The following PRB4 variants were observed in gnomAD, a reference collection of about 807,000 sequenced individuals.
The protein encoded by PRB4 is basic salivary proline-rich protein 4.
In PRB4, 14 loss-of-function variants were observed where a neutral mutation model predicts 9.1. The observed-to-expected ratio is 1.54, with a 90% CI of 1.02 to 2.41. The LOEUF (loss-of-function observed/expected upper bound fraction) is 2.41. Ranked by LOEUF, PRB4 falls within the 30% of genes most tolerant of loss-of-function variation. The pLI is 0.00. For missense variants in PRB4, 381 were observed against 299.3 expected (o/e 1.27, Z -2.02); for synonymous variants, 102 against 108.5 (o/e 0.94, Z 0.37).
intron 3 of PRB4, among the ~76,000 whole-genome samples, chr12:11,307,662 G>T (rs1862944591): frequency 6.6e-6 from 1 of 152,168 alleles, no homozygotes; most frequent in Non-Finnish European, 1.5e-5. Flanking sequence ...ATCCCATAAG[G>T]TTAACAGTGG....
Position 11,310,400 on chromosome 12 carries a change from T to A in PRB4, c.-2A>T. On this transcript the variant is annotated 5_prime_UTR_variant, in exon 1 of 4. Coordinates refer to ENST00000279575, the MANE Select transcript of PRB4 (RefSeq NM_002723.6). ...CACTGACAGCAGAATCAGCAGCATC[T>A]CGCTGGAGGCTCTGGAGTCACTCCC... 1.2e-6 allele frequency: 2 copies of A among 1,614,224 alleles called. No individual in the cohort carries two copies. The highest frequency in any genetic ancestry group is 2.2e-5 in the South Asian group (2 of 91,084).
rs541291529 is a variant in PRB4, at chr12:11,309,254, C to A, written c.100+116G>T. On this transcript the variant is annotated intron_variant, in intron 2 of 3. Coordinates refer to ENST00000279575, the MANE Select transcript of PRB4 (RefSeq NM_002723.6). ...TGAAGATTGCCTATATCATTAGGGG[C>A]AATAACATTAATCAATTCCTGAAAG... The A allele has an allele frequency of 1.5e-4, 230 of 1,545,846 alleles. 3 individuals are homozygous for A. In the South Asian group the frequency reaches 2.5e-3, roughly 16 times the overall value.
Position 11,307,099 on chromosome 12 carries a change from A to T in PRB4, c.*119T>A, listed in dbSNP as rs929347727. The T allele has an allele frequency of 1.3e-5, 2 of 154,588 alleles. No individual in the cohort carries two copies. Among genetic ancestry groups the T allele is most frequent in the African/African-American group, 2.4e-5 (1 of 41,534 alleles). The allele number at this position is 154,588 out of a possible 1,614,324, so 9.6% of individuals were successfully genotyped here. ...TCAGAAATTGCAAGCTGATTATTTT[A>T]TTGGTATATTAAAGTTAGAGCTATG... On this transcript the variant is annotated 3_prime_UTR_variant, in exon 4 of 4. Transcript: ENST00000279575.
In PRB4 at chr12:11,309,404, A is replaced by G. The variant is rs748700776; in HGVS notation, c.66T>C (p.Asp22=). 3.7e-6 allele frequency: 6 copies of G among 1,614,156 alleles called. No individual in the cohort carries two copies. Among genetic ancestry groups the G allele is most frequent in the Middle Eastern group, 3.3e-4 (2 of 6,062 alleles). The part of the protein sequence containing the change: ...ALSSAESSSE[D]VSQEESLFLI... ...GGAAGAGAGATTCTTCCTGGCTGACATCTAGAAGAGAAGCACAGGATGATG... is the reference window on the plus strand; with the variant it reads ...GGAAGAGAGATTCTTCCTGGCTGACGTCTAGAAGAGAAGCACAGGATGATG... Residue 22 remains aspartate (D), a splice_region_variant and synonymous_variant, in exon 2 of 4, where the codon GAT becomes GAC. Coordinates refer to ENST00000279575, the MANE Select transcript of PRB4 (RefSeq NM_002723.6).
chr12:11,308,804 G>T lies in PRB4; in HGVS notation c.179C>A (p.Pro60Gln). ...PPPPPGKPQGPPPQGGNQSQG... is the reference protein window; with the variant it reads ...PPPPPGKPQGQPPQGGNQSQG... ...GGACTGGTTTCCTCCTTGTGGGGGT[G>T]GTCCTTGTGGCTTTCCTGGAGGAGG... is the stretch of plus-strand genomic sequence containing the variant. Residue 60 changes from proline to glutamine, a missense_variant, in exon 3 of 4, where the codon CCA (proline) becomes CAA (glutamine). Transcript: ENST00000279575. 1.3e-6 allele frequency: 2 copies of T among 1,590,190 alleles called. No individual in the cohort carries two copies. The highest frequency in any genetic ancestry group is 1.4e-5 in the African/African-American group (1 of 72,896).
At chr12:11,307,460 G>T (rs1862939426) in intron 3 of PRB4, among the ~76,000 whole-genome samples, 1 of 152,174 alleles carries the variant, frequency 6.6e-6, no homozygotes, top group South Asian at 2.1e-4. Flanking sequence ...ACACAATAGA[G>T]TAGTATAAAA....
chr12:11,307,307 G>A (rs762020115), intron 3 of PRB4, 108 bp from the exon 4 acceptor site: 10 of 152,706 alleles, frequency 6.5e-5, no homozygotes, highest in Admixed American at 3.9e-4. Context: ...CCATCCTTAG[G>A]TTGCTGTGAC....
intron 3 of PRB4, 142 bp from the exon 4 acceptor site, chr12:11,307,341 G>A (rs1862937101): frequency 6.6e-6 from 1 of 152,508 alleles, no homozygotes; most frequent in Non-Finnish European, 1.5e-5. Flanking sequence ...ATTTGTTCAG[G>A]GATATATTTA....
intron 1 of PRB4, 150 bp downstream of exon 1, chr12:11,310,185 G>T (rs775668715): frequency 7.4e-5 from 70 of 944,020 alleles, no homozygotes; most frequent in East Asian, 6.2e-4. Context: ...AGTCCTTATT[G>T]TGGAATGAGG....
intron 3 of PRB4, 129 bp from the exon 4 acceptor site, chr12:11,307,328 T>G (rs1349873909): frequency 6.6e-6 from 1 of 152,668 alleles, no homozygotes; most frequent in African/African-American, 2.4e-5. Context: ...TCATTGCTGT[T>G]GAATTTGTTC....
chr12:11,309,823 A>G (rs970289963), intron 1 of PRB4, among the ~76,000 whole-genome samples: 5 of 152,202 alleles, frequency 3.3e-5, no homozygotes, highest in Non-Finnish European at 5.9e-5. Context: ...CTCCCAGCAC[A>G]TTGAAATACT....
intron 1 of PRB4, among the ~76,000 whole-genome samples, chr12:11,309,878 C>CTA (rs992257103): frequency 6.6e-6 from 1 of 152,186 alleles, no homozygotes; most frequent in Non-Finnish European, 1.5e-5. Context: ...TCTGATATTT[C>CTA]TACATCTTTA....
chr12:11,307,898 T>C (rs1486242888), intron 3 of PRB4, among the ~76,000 whole-genome samples: 1 of 152,180 alleles, frequency 6.6e-6, no homozygotes, highest in Non-Finnish European at 1.5e-5. Context: ...CAAATGGTGC[T>C]CAGGTGAAAA....
intron 3 of PRB4, among the ~76,000 whole-genome samples, chr12:11,307,787 G>C (rs1862946710): frequency 6.6e-6 from 1 of 152,150 alleles, no homozygotes; most frequent in East Asian, 1.9e-4. Flanking sequence ...GTATTGAAAA[G>C]TTAAGTATCT....
At position 11,307,537 on chromosome 12, in the gene PRB4, A is replaced by T. The variant is rs72477466; in HGVS notation, c.*19-338T>A. On this transcript the variant is annotated intron_variant, in intron 3 of 3. Transcript: ENST00000279575. ...CTTCATAAACTGATGTGGAAATTTT[A>T]AAAAAATGTATTTTTTAAATGACTA... 2.1e-3 allele frequency among the ~76,000 whole-genome samples: 323 copies of T among 152,266 alleles called. 8 individuals are homozygous for T. The East Asian group carries it at 0.047, about 22-fold the overall frequency.
In PRB4 at chr12:11,309,398, G is replaced by A. The variant is rs1260218619; in HGVS notation, c.72C>T (p.Ser24=). The change falls in exon 2 of 4, where the codon AGC becomes AGT. Residue 24 remains serine, a synonymous_variant. Transcript: ENST00000279575. ...ATATTAGGAAGAGAGATTCTTCCTG[G>A]CTGACATCTAGAAGAGAAGCACAGG... ...SSAESSSEDV[S]QEESLFLISG... 6.2e-7 allele frequency: 1 copy of A among 1,613,976 alleles called. No individual in the cohort carries two copies. Among genetic ancestry groups the A allele is most frequent in the Non-Finnish European group, 8.5e-7 (1 of 1,179,984 alleles).
At position 11,310,316 on chromosome 12, in the gene PRB4, T is replaced by C; in HGVS notation, c.64+19A>G. ...TAAGTCCCAAGCAGTCACCGCATCTTTTCCCCCTTCTGTTTTACCTTCACT... is the reference window on the plus strand; with the variant it reads ...TAAGTCCCAAGCAGTCACCGCATCTCTTCCCCCTTCTGTTTTACCTTCACT... On this transcript the variant is annotated intron_variant, in intron 1 of 3. Transcript: ENST00000279575. 6.2e-7 allele frequency: 1 copy of C among 1,614,126 alleles called. No individual in the cohort carries two copies. The highest frequency in any genetic ancestry group is 1.1e-5 in the South Asian group (1 of 91,084).
rs1448345792 is a variant in PRB4 at position 11,308,581 on chromosome 12, G to C, written c.402C>G (p.Pro134=). Reference sequence around the variant, plus strand: ...TTTCTGGCTTTCCTGGAGGAGGTGGGGGACGGTGGGACTGGTTGCCTCCTT... The same window carrying C: ...TTTCTGGCTTTCCTGGAGGAGGTGGCGGACGGTGGGACTGGTTGCCTCCTT... ...PPQGGNQSHR[P]PPPPGKPERP... is the part of the protein sequence containing the mutation. Residue 134 remains proline, a synonymous_variant, in exon 3 of 4, where the codon CCC becomes CCG. Coordinates refer to ENST00000279575, the MANE Select transcript of PRB4 (RefSeq NM_002723.6). 2 of 1,580,562 alleles carry C rather than the reference G, an allele frequency of 1.3e-6. No homozygotes were observed. Among genetic ancestry groups the C allele is most frequent in the Admixed American group, 1.7e-5 (1 of 58,608 alleles).
chr12:11,308,110 A>G, intron 3 of PRB4, 111 bp downstream of exon 3: 1 of 1,267,856 alleles, frequency 7.9e-7, no homozygotes, highest in South Asian at 1.7e-5. Context: ...ATTTTTAGAA[A>G]TGGGTTCTAG....
Sources: allele counts gnomAD v4.1 joint callset (sites outside exome capture counted in the v4.1 genomes callset), GRCh38; gene constraint gnomAD v4.1.1; transcripts MANE v1.5; gene names NCBI Gene and HGNC (gene_info 2026-07-23, HGNC 2026-07-21).